The following IFNA13 variants were observed in gnomAD, a reference collection of about 807,000 sequenced individuals.
IFNA13 encodes interferon alpha 13.
For synonymous variants in IFNA13, 61 were observed against 86.3 expected (o/e 0.71, Z 1.62); for missense variants, 166 against 220.7 (o/e 0.75, Z 1.57).
exon 1 of IFNA13, chr9:21,367,549 A>G: frequency 6.2e-7 from 1 of 1,608,576 alleles, no homozygotes; most frequent in Non-Finnish European, 8.5e-7. Flanking sequence ...TCTCTGTCAG[A>G]TAGAGAGTGA....
chr9:21,367,725 C>A, exon 1 of IFNA13: 1 of 1,436,164 alleles, frequency 7.0e-7, no homozygotes, highest in Non-Finnish European at 9.4e-7. Flanking sequence ...GCAGATGAAT[C>A]TTTTGTGGTA....
chr9:21,367,876 C>T lies in IFNA13; in HGVS notation c.135G>A (p.Met45Ile), dbSNP rs370925363. The change falls in exon 1 of 1, where the codon ATG becomes ATA. Residue 45 changes from methionine to isoleucine, a missense_variant. By Grantham distance (10) the Met-to-Ile change is conservative. Coordinates refer to ENST00000610660, the Ensembl canonical transcript of IFNA13. The stretch of plus-strand genomic sequence containing the variant: ...GACAGGAGGAAGGAGAGATTCTGCT[C>T]ATTTGTGCCAGGAGCATCAAGGTCC... The T allele has an allele frequency of 7.5e-5, 120 of 1,609,972 alleles. 1 individual carries two copies. In the African/African-American group the frequency reaches 1.4e-3, roughly 19 times the overall value.
At chr9:21,367,962 A>C (rs1266835489) in exon 1 of IFNA13, 1 of 1,613,060 alleles carries the variant, frequency 6.2e-7, no homozygotes, top group Admixed American at 1.7e-5. Context: ...CTTGACTTGC[A>C]GCTGAGCACC....
chr9:21,367,513 C>T, exon 1 of IFNA13: 5 of 1,590,042 alleles, frequency 3.1e-6, no homozygotes, highest in East Asian at 2.2e-5. Context: ...CTCTGACAAC[C>T]TCCCAGGCAC....
chr9:21,367,901 C>A, exon 1 of IFNA13: 1 of 1,610,704 alleles, frequency 6.2e-7, no homozygotes, highest in Non-Finnish European at 8.5e-7. Context: ...CATCAAGGTC[C>A]TCCTGTTATC....
exon 1 of IFNA13, chr9:21,367,741 G>T (rs1820649557): frequency 1.4e-6 from 2 of 1,452,124 alleles, no homozygotes; most frequent in Non-Finnish European, 9.3e-7. Context: ...TGGTAAAGAG[G>T]TTGAAGATCT....
chr9:21,367,698 G>A (rs1385988605), exon 1 of IFNA13: 1 of 1,442,230 alleles, frequency 6.9e-7, no homozygotes, highest in South Asian at 1.3e-5. Context: ...TTGTCTAGGA[G>A]GTCCTCATCC....
At chr9:21,367,531 G>C in the IFNA13 span, 5 of 1,607,016 alleles carry the variant, frequency 3.1e-6, no homozygotes, top group Non-Finnish European at 4.2e-6. Flanking sequence ...CACAAGGGCT[G>C]TATTTCTTCT....
rs202198032 is a variant in IFNA13, at chr9:21,367,771, G to A, written c.240C>T (p.Val80=). 13,626 of 1,513,988 alleles carry A rather than the reference G, an allele frequency of 9.0e-3. 85 individuals carry two copies. The highest frequency in any genetic ancestry group is 0.011 in the Non-Finnish European group (11,962 of 1,112,736). 93.8% of individuals were successfully genotyped at this position (1,513,988 alleles called of 1,614,324 possible). A position where few individuals can be genotyped will look rare whatever the true frequency, so the allele number is the denominator to read the frequency against. ...AGATCTGCTGGATCAGCTCATGGAG[G>A]ACAGAGATGGCTGGAGCCTTCTGGA... is the stretch of plus-strand genomic sequence containing the variant. The change falls in exon 1 of 1, where the codon GTC becomes GTT. Residue 80 remains valine, a synonymous_variant. Transcript: ENST00000610660.
At chr9:21,367,410 T>C (rs940702210), downstream of IFNA13, 2 of 1,613,058 alleles carry the variant, frequency 1.2e-6, no homozygotes, top group Non-Finnish European at 1.7e-6. Context: ...TATGAGTCAA[T>C]AAGAATTGTT....
chr9:21,367,824 G>A, exon 1 of IFNA13: 1 of 1,598,876 alleles, frequency 6.3e-7, no homozygotes, highest in Middle Eastern at 1.7e-4. Flanking sequence ...TCCTCCTGGG[G>A]AAATCCAAAG....
chr9:21,367,418 G>A (rs1820644057), downstream of IFNA13: 2 of 1,613,206 alleles, frequency 1.2e-6, no homozygotes, highest in Admixed American at 3.3e-5. Flanking sequence ...AATAAGAATT[G>A]TTTCATGTTG....
At chr9:21,367,714 A>G in exon 1 of IFNA13, 1 of 1,427,632 alleles carries the variant, frequency 7.0e-7, no homozygotes, top group Non-Finnish European at 9.5e-7. Flanking sequence ...CATCCCAAGC[A>G]GCAGATGAAT....
In IFNA13 at chr9:21,367,742, T is replaced by C. The variant is rs761128431; in HGVS notation, c.269A>G (p.Asn90Ser). ...AGATGAATCTTTTGTGGTAAAGAGG[T>C]TGAAGATCTGCTGGATCAGCTCATG... The change falls in exon 1 of 1, where the codon AAC (asparagine) becomes AGC (serine). Residue 90 changes from asparagine to serine, a missense_variant. Coordinates refer to ENST00000610660, the Ensembl canonical transcript of IFNA13. 112 of 1,453,004 alleles carry C rather than the reference T, an allele frequency of 7.7e-5. No individual in the cohort carries two copies. Among genetic ancestry groups the C allele is most frequent in the Non-Finnish European group, 9.6e-5 (103 of 1,074,208 alleles). The allele number at this position is 1,453,004 out of a possible 1,614,324, so 90.0% of individuals were successfully genotyped here. A position where few individuals can be genotyped will look rare whatever the true frequency, so the allele number is the denominator to read the frequency against.
chr9:21,367,625 C>G, exon 1 of IFNA13: 1 of 1,568,002 alleles, frequency 6.4e-7, no homozygotes, highest in South Asian at 1.2e-5. Context: ...TTCTCCCACC[C>G]TCTCCTCCTG....
chr9:21,367,968 G>T, exon 1 of IFNA13: 3 of 1,613,010 alleles, frequency 1.9e-6, no homozygotes, highest in Non-Finnish European at 2.5e-6. Context: ...TTGCAGCTGA[G>T]CACCACCAGG....
the IFNA13 span, chr9:21,367,794 G>A: frequency 6.4e-7 from 1 of 1,573,102 alleles, no homozygotes. Flanking sequence ...GGAGCCTTCT[G>A]GAACTGGTTG....
exon 1 of IFNA13, chr9:21,367,721 G>A (rs1218543929): frequency 2.8e-6 from 4 of 1,430,422 alleles, no homozygotes; most frequent in Middle Eastern, 2.4e-4. Flanking sequence ...AGCAGCAGAT[G>A]AATCTTTTGT....
At position 21,367,591 on chromosome 9, in the gene IFNA13, G is replaced by A. The variant is rs748328916; in HGVS notation, c.420C>T (p.Ser140=). 10 of 1,601,234 alleles carry A rather than the reference G, an allele frequency of 6.2e-6. No homozygotes were observed. The Admixed American group carries it at 1.7e-4, about 27-fold the overall frequency. Reference sequence around the variant, plus strand: ...GGAAGTATTTCTTCACAGCCAAGATGGAGTCCGCATTCATCAGGGGAGTTT... The same window carrying A: ...GGAAGTATTTCTTCACAGCCAAGATAGAGTCCGCATTCATCAGGGGAGTTT... Residue 140 remains serine (S), a synonymous_variant, in exon 1 of 1, where the codon TCC becomes TCT. Coordinates refer to ENST00000610660, the Ensembl canonical transcript of IFNA13.
Sources: gnomAD v4.1 joint callset for allele counts on GRCh38, gnomAD v4.1.1 for gene constraint, MANE v1.5 for transcripts, NCBI Gene and HGNC (gene_info 2026-07-23, HGNC 2026-07-21) for gene names.